CELF2: variants seen among roughly 807,000 people sequenced by gnomAD.
CELF2 encodes the protein CUGBP Elav-like family member 2, also known as CUG triplet repeat RNA-binding protein 2.
CELF2 carries 8 observed loss-of-function variants against 62.6 expected under a neutral mutation model. The observed-to-expected ratio is 0.13, with a 90% confidence interval of 0.07 to 0.23. The LOEUF (loss-of-function observed/expected upper bound fraction) is 0.23, where lower values mean the gene tolerates loss of function less well. CELF2 is among the 10% of genes least tolerant of loss of function. The pLI is 1.00. For missense variants in CELF2, 333 were observed against 671.0 expected, an observed-to-expected ratio of 0.50 and a Z score of 5.56; for synonymous variants, 258 against 250.0, an observed-to-expected ratio of 1.03 and a Z score of -0.30.
Position 11,005,374 on chromosome 10 carries a change from A to G in CELF2, c.-14A>G, listed in dbSNP as rs2055053072. 6.2e-7 allele frequency: 1 copy of G among 1,613,458 alleles called. No individual in the cohort carries two copies. The highest frequency in any genetic ancestry group is 8.5e-7 in the Non-Finnish European group (1 of 1,179,756). On this transcript the variant is annotated 5_prime_UTR_variant, in exon 1 of 13. Transcript: ENST00000416382. The surrounding 1 kb of genome is among the most constrained non-coding windows in gnomAD (Gnocchi z 4.3). ...TTCTGAACTGGCTTTTGTTGAGACT[A>G]TCAGTATAGAAGCATGCGCTGTCCC...
intron 1 of CELF2, among the ~76,000 whole-genome samples, chr10:11,162,931 G>C (rs2066055879): frequency 6.6e-6 from 1 of 152,162 alleles, no homozygotes; most frequent in Non-Finnish European, 1.5e-5. Flanking sequence ...CATTTAGGAA[G>C]AGGTGCTGCC....
At chr10:11,043,558 T>A (rs541060221) in intron 1 of CELF2, among the ~76,000 whole-genome samples, 1 of 152,252 alleles carries the variant, frequency 6.6e-6, no homozygotes, top group South Asian at 2.1e-4. Context: ...ATCGCAGACT[T>A]CCGTGTCCTG....
intron 1 of CELF2, among the ~76,000 whole-genome samples, chr10:10,863,956 C>T (rs143215067): frequency 2.6e-5 from 4 of 152,330 alleles, no homozygotes; most frequent in South Asian, 2.1e-4. Flanking sequence ...TTGTCCCTTA[C>T]GCTTCTTTGA....
chr10:10,639,606 T>C, the CELF2 span, among the ~76,000 whole-genome samples: 1 of 152,214 alleles, frequency 6.6e-6, no homozygotes, highest in African/African-American at 2.4e-5. Flanking sequence ...GATATATATC[T>C]TTAAAATCCT....
the CELF2 span, among the ~76,000 whole-genome samples, chr10:10,656,879 AT>A: frequency 2.0e-5 from 3 of 151,660 alleles, no homozygotes; most frequent in Non-Finnish European, 4.4e-5. Flanking sequence ...AATTAAAAAA[AT>A]AAAAAATAAA....
intron 1 of CELF2, among the ~76,000 whole-genome samples, chr10:11,063,061 C>T (rs2067210055): frequency 6.6e-6 from 1 of 152,304 alleles, no homozygotes. Context: ...TGTATTTTAA[C>T]ATTAAGATAC....
At position 10,931,245 on chromosome 10, in the gene CELF2, T is replaced by C. The variant is rs2066026642; in HGVS notation, c.89+11246T>C. 6.6e-6 allele frequency among the ~76,000 whole-genome samples: 1 copy of C among 152,148 alleles called. No individual in the cohort carries two copies. Among genetic ancestry groups the C allele is most frequent in the African/African-American group, 2.4e-5 (1 of 41,432 alleles). Reference sequence around the variant, plus strand: ...TGTTCATTTTTCAAATAAGCAACATTAGACTCACAAAACACTATATAAAAC... The same window carrying C: ...TGTTCATTTTTCAAATAAGCAACATCAGACTCACAAAACACTATATAAAAC... On this transcript the variant is annotated intron_variant, in intron 2 of 13. Coordinates refer to the CELF2 transcript ENST00000636488. This position sits in a 1 kb window ranked among gnomAD's most constrained non-coding sequence, Gnocchi z 6.1.
the CELF2 span, among the ~76,000 whole-genome samples, chr10:10,495,513 G>T: frequency 6.6e-6 from 1 of 151,994 alleles, no homozygotes; most frequent in Non-Finnish European, 1.5e-5. Flanking sequence ...GGACCTCAAG[G>T]GTGCCTTAAA....
chr10:10,550,785 G>A, the CELF2 span, among the ~76,000 whole-genome samples: 5 of 151,588 alleles, frequency 3.3e-5, no homozygotes, highest in Middle Eastern at 3.4e-3. Flanking sequence ...TGCAACCTCC[G>A]CCTCCCGGGT....
chr10:10,565,355 G>A, the CELF2 span, among the ~76,000 whole-genome samples: 1 of 152,360 alleles, frequency 6.6e-6, no homozygotes, highest in South Asian at 2.1e-4. Context: ...GCCAGCCTGT[G>A]ATGACGGCTC....
the CELF2 span, among the ~76,000 whole-genome samples, chr10:10,679,789 G>A: frequency 1.2e-3 from 184 of 152,184 alleles, no homozygotes; most frequent in African/African-American, 4.3e-3. Flanking sequence ...GATACACATT[G>A]CTGTCCATTG....
chr10:10,866,670 G>A (rs2060391913), intron 1 of CELF2, among the ~76,000 whole-genome samples: 1 of 150,746 alleles, frequency 6.6e-6, no homozygotes, highest in Non-Finnish European at 1.5e-5. Flanking sequence ...TAAAATTGTG[G>A]TGAGGGCCGG....
At chr10:11,029,126 A>G (rs566090233) in intron 1 of CELF2, among the ~76,000 whole-genome samples, 102 of 152,250 alleles carry the variant, frequency 6.7e-4, no homozygotes, top group Non-Finnish European at 1.0e-3. Flanking sequence ...ATGTAGATGG[A>G]GAGAGTCCTT....
the CELF2 span, among the ~76,000 whole-genome samples, chr10:10,462,615 CTTTTTTTTT>C: frequency 5.8e-5 from 4 of 69,414 alleles, no homozygotes; most frequent in African/African-American, 2.3e-4. Context: ...TTTTTTTCAT[CTTTTTTTTT>C]TTTTTTTTTT....
intron 3 of CELF2, among the ~76,000 whole-genome samples, chr10:11,228,973 A>AGGACCTGT (rs369836253): frequency 6.6e-6 from 1 of 152,202 alleles, no homozygotes; most frequent in African/African-American, 2.4e-5. Flanking sequence ...AGAGGAAGAA[A>AGGACCTGT]GGACCTGTGC....
chr10:10,600,027 G>A, the CELF2 span, among the ~76,000 whole-genome samples: 3 of 152,020 alleles, frequency 2.0e-5, no homozygotes, highest in Non-Finnish European at 4.4e-5. Flanking sequence ...CACCGAGCCC[G>A]GCCTCTGCCC....
chr10:10,653,778 A>G, the CELF2 span, among the ~76,000 whole-genome samples: 2 of 148,876 alleles, frequency 1.3e-5, no homozygotes, highest in Admixed American at 6.7e-5. Context: ...AAGATCCAAA[A>G]TTGACACCCT....
At chr10:10,469,262 C>A in the CELF2 span, among the ~76,000 whole-genome samples, 3 of 151,878 alleles carry the variant, frequency 2.0e-5, no homozygotes, top group African/African-American at 7.2e-5. Context: ...ACTTTTTGAT[C>A]AAAATGCTTC....
At chr10:10,626,084 A>T in the CELF2 span, among the ~76,000 whole-genome samples, 1 of 152,178 alleles carries the variant, frequency 6.6e-6, no homozygotes, top group Admixed American at 6.5e-5. Context: ...ATTTGCTCCC[A>T]ACTTGAACCA....
Sources: allele counts gnomAD v4.1 joint callset (sites outside exome capture counted in the v4.1 genomes callset), GRCh38; gene constraint gnomAD v4.1.1; non-coding constraint Gnocchi (gnomAD v3.1); transcripts MANE v1.5; gene names NCBI Gene and HGNC (gene_info 2026-07-23, HGNC 2026-07-21).